The following VPS37A variants were observed in gnomAD, a reference collection of about 807,000 sequenced individuals.
VPS37A encodes vacuolar protein sorting-associated protein 37A.
VPS37A carries 30 observed loss-of-function variants against 49.8 expected under a neutral mutation model. The ratio of observed to expected loss-of-function variants is 0.60; its 90% CI spans 0.45 to 0.82. The LOEUF (loss-of-function observed/expected upper bound fraction) is 0.82, where lower values mean the gene tolerates loss of function less well. VPS37A is among the 40% of genes least tolerant of loss of function. VPS37A has a pLI of 0.00. For synonymous variants in VPS37A, 195 were observed against 160.6 expected, an observed-to-expected ratio of 1.21 and a Z score of -1.62; for missense variants, 593 against 464.4, an observed-to-expected ratio of 1.28 and a Z score of -2.55.
intron 1 of VPS37A, among the ~76,000 whole-genome samples, chr8:17,259,345 A>T (rs1812770631): frequency 6.6e-6 from 1 of 152,056 alleles, no homozygotes; most frequent in South Asian, 2.1e-4. Flanking sequence ...TTGGCTGTTC[A>T]GTAGCATGTT....
downstream of VPS37A, chr8:17,299,923 G>T (rs1318307590): frequency 6.2e-7 from 1 of 1,614,020 alleles, no homozygotes; most frequent in Non-Finnish European, 8.5e-7. Context: ...TTCACTCGGT[G>T]CATGCTCACC....
At chr8:17,327,638 T>C in the VPS37A span, among the ~76,000 whole-genome samples, 2 of 119,718 alleles carry the variant, frequency 1.7e-5, no homozygotes, top group African/African-American at 1.1e-4. Flanking sequence ...GGAAGAAACC[T>C]GGTAAAAAAA....
chr8:17,301,992 C>T (rs1168602943), downstream of VPS37A: 23 of 864,070 alleles, frequency 2.7e-5, no homozygotes, highest in Middle Eastern at 3.6e-4. Flanking sequence ...GTTTGGGCTT[C>T]GGTTATCTGA....
downstream of VPS37A, chr8:17,305,700 C>T (rs942704215): frequency 7.5e-6 from 11 of 1,464,478 alleles, no homozygotes; most frequent in African/African-American, 1.4e-4. Context: ...ACCTAAAATT[C>T]TCAGTCATCA....
In VPS37A at chr8:17,247,074, C is replaced by G; in HGVS notation, c.-171C>G. 2.3e-6 allele frequency: 2 copies of G among 851,224 alleles called. No individual in the cohort carries two copies. Among genetic ancestry groups the G allele is most frequent in the Non-Finnish European group, 3.6e-6 (2 of 562,130 alleles). The allele number at this position is 851,224 out of a possible 1,614,324, so 52.7% of individuals were successfully genotyped here. Reference sequence around the variant, plus strand: ...GCCGCCCGCCGTTCGTAGCATGTCCCCCAGAACTCGGGGAGCGCAGGCAGG... The same window carrying G: ...GCCGCCCGCCGTTCGTAGCATGTCCGCCAGAACTCGGGGAGCGCAGGCAGG... On this transcript the variant is annotated 5_prime_UTR_variant, in exon 1 of 12. Coordinates refer to ENST00000324849, the MANE Select transcript of VPS37A (RefSeq NM_152415.3).
Position 17,296,076 on chromosome 8 carries a change from A to G in VPS37A, c.*1090A>G, listed in dbSNP as rs1192732491. ...AAATTACAAAACAAACTAATGCATAATTTTGCTTAAATTTCATCCCAGTAT... is the reference window on the plus strand; with the variant it reads ...AAATTACAAAACAAACTAATGCATAGTTTTGCTTAAATTTCATCCCAGTAT... On this transcript the variant is annotated 3_prime_UTR_variant, in exon 12 of 12. Transcript: ENST00000324849. The G allele has an allele frequency of 6.6e-6, 1 of 152,160 alleles. No homozygotes were observed. Among genetic ancestry groups the G allele is most frequent in the Non-Finnish European group, 1.5e-5 (1 of 68,020 alleles). 9.4% of individuals were successfully genotyped at this position (152,160 alleles called of 1,614,324 possible).
chr8:17,307,459 A>G, the VPS37A span, among the ~76,000 whole-genome samples: 1 of 152,170 alleles, frequency 6.6e-6, no homozygotes, highest in Non-Finnish European at 1.5e-5. Context: ...TAGTTCAACC[A>G]TTGTGGAAGT....
rs1047814860 is a variant in VPS37A, at chr8:17,295,939, C to T, written c.*953C>T. 1.3e-5 allele frequency: 2 copies of T among 152,102 alleles called. No individual in the cohort carries two copies. Among genetic ancestry groups the T allele is most frequent in the African/African-American group, 4.8e-5 (2 of 41,406 alleles). 9.4% of individuals were successfully genotyped at this position (152,102 alleles called of 1,614,324 possible). On this transcript the variant is annotated 3_prime_UTR_variant, in exon 12 of 12. Coordinates refer to ENST00000324849, the MANE Select transcript of VPS37A (RefSeq NM_152415.3). ...GAGTGTTCTTGTATACTACATTGAG[C>T]AGTTTGCTTCTATACCGTGTCACAA...
chr8:17,266,369 A>G (rs1278222200), intron 2 of VPS37A, among the ~76,000 whole-genome samples: 1 of 152,250 alleles, frequency 6.6e-6, no homozygotes, highest in Admixed American at 6.5e-5. Flanking sequence ...AATTTCAGCA[A>G]CAGATATACT....
chr8:17,287,754 A>T (rs1021707401), intron 11 of VPS37A, among the ~76,000 whole-genome samples: 9 of 152,100 alleles, frequency 5.9e-5, no homozygotes, highest in African/African-American at 2.2e-4. Context: ...CAGACAGCCG[A>T]TGGAGATAAA....
At chr8:17,263,641 A>T (rs142621593) in intron 1 of VPS37A, among the ~76,000 whole-genome samples, 2 of 152,248 alleles carry the variant, frequency 1.3e-5, no homozygotes, top group Non-Finnish European at 2.9e-5. Context: ...TATGTTTTCA[A>T]TGAAAATTTT....
chr8:17,304,535 T>C, downstream of VPS37A: 2 of 1,610,546 alleles, frequency 1.2e-6, no homozygotes, highest in East Asian at 4.5e-5. Context: ...ATAAAGAAAA[T>C]AAGTCTATAA....
At chr8:17,313,308 C>G in the VPS37A span, 1 of 1,611,772 alleles carries the variant, frequency 6.2e-7, no homozygotes, top group Non-Finnish European at 8.5e-7. Flanking sequence ...AATGAAGATT[C>G]CTGCATCCAT....
Position 17,274,847 on chromosome 8 carries a change from C to T in VPS37A, c.531C>T (p.Asp177=). The T allele has an allele frequency of 6.2e-7, 1 of 1,614,158 alleles. No individual in the cohort carries two copies. Among genetic ancestry groups the T allele is most frequent in the Non-Finnish European group, 8.5e-7 (1 of 1,180,012 alleles). The change falls in exon 5 of 12, where the codon GAC becomes GAT. Residue 177 remains aspartate, a synonymous_variant. Transcript: ENST00000324849. ...NRSITSLSVA[D]TVSSSTTSHT... ...GTATCACTTCTTTATCTGTTGCTGA[C>T]ACTGTTTCTTCTTCAACAACAAGTC...
At chr8:17,264,001 T>C (rs1813206466) in intron 1 of VPS37A, among the ~76,000 whole-genome samples, 1 of 152,228 alleles carries the variant, frequency 6.6e-6, no homozygotes, top group African/African-American at 2.4e-5. Context: ...CTCCATGTTC[T>C]ACATGCCTAT....
chr8:17,253,683 C>T (rs1812179758), intron 1 of VPS37A, among the ~76,000 whole-genome samples: 1 of 152,116 alleles, frequency 6.6e-6, no homozygotes, highest in Non-Finnish European at 1.5e-5. Flanking sequence ...CCAGAAGACC[C>T]CACTGCCGCT....
chr8:17,311,371 C>T, the VPS37A span: 1 of 1,099,460 alleles, frequency 9.1e-7, no homozygotes, highest in Non-Finnish European at 1.3e-6. Flanking sequence ...TAATCTTGAT[C>T]TCTTCCCCTT....
At chr8:17,272,082 A>G (rs116835665) in intron 4 of VPS37A, 387 of 456,678 alleles carry the variant, frequency 8.5e-4, no homozygotes, top group African/African-American at 5.9e-3. Flanking sequence ...TCTGTTTTCC[A>G]TATTATTGCA....
At chr8:17,254,356 G>A (rs1478909492) in intron 1 of VPS37A, among the ~76,000 whole-genome samples, 1 of 152,150 alleles carries the variant, frequency 6.6e-6, no homozygotes, top group African/African-American at 2.4e-5. Flanking sequence ...CTGTCTCTGT[G>A]TTAATCTGAA....
Sources: gnomAD v4.1 joint callset for allele counts (sites outside exome capture counted in the v4.1 genomes callset) on GRCh38, gnomAD v4.1.1 for gene constraint, MANE v1.5 for transcripts, NCBI Gene and HGNC (gene_info 2026-07-23, HGNC 2026-07-21) for gene names.